Variants in GPC5 observed in about 807,000 individuals in gnomAD.
GPC5 encodes the protein glypican 5, also known as glypican-5.
A neutral mutation model predicts 53.9 loss-of-function variants in GPC5; 47 were observed. The observed-to-expected ratio is 0.87, with a 90% CI of 0.69 to 1.11. The LOEUF (loss-of-function observed/expected upper bound fraction) is 1.11, where lower values mean the gene tolerates loss of function less well. GPC5 is among the 50% of genes most tolerant of loss of function. The pLI is 0.00. For missense variants in GPC5, 748 were observed against 713.1 expected (o/e 1.05, Z -0.56); for synonymous variants, 286 against 263.3 (o/e 1.09, Z -0.84).
At chr13:92,546,043 C>T (rs1294587785) in intron 7 of GPC5, among the ~76,000 whole-genome samples, 3 of 151,870 alleles carry the variant, frequency 2.0e-5, no homozygotes, top group Non-Finnish European at 4.4e-5. Context: ...CTAGAGAAAC[C>T]CACAGCCAAT....
intron 7 of GPC5, among the ~76,000 whole-genome samples, chr13:92,759,278 A>C (rs577952112): frequency 1.3e-3 from 195 of 151,966 alleles, no homozygotes; most frequent in Non-Finnish European, 2.4e-3. Context: ...ATTTCTGTGA[A>C]GATTCCACTG....
At chr13:92,701,692 G>A (rs543458848) in intron 7 of GPC5, among the ~76,000 whole-genome samples, 106 of 152,010 alleles carry the variant, frequency 7.0e-4, no homozygotes, top group Admixed American at 1.8e-3. Context: ...AATATCTATA[G>A]AGGCCATTTC....
At chr13:92,031,699 ATATTATATATATTACATATATG>A (rs1288936840) in intron 6 of GPC5, among the ~76,000 whole-genome samples, 2 of 86,510 alleles carry the variant, frequency 2.3e-5, no homozygotes, top group Non-Finnish European at 4.4e-5. Context: ...TATATATAAT[ATATTATATATATTACATATATG>A]TAATATATTA....
intron 7 of GPC5, among the ~76,000 whole-genome samples, chr13:92,520,963 A>G (rs1881019137): frequency 6.6e-6 from 1 of 152,208 alleles, no homozygotes; most frequent in Non-Finnish European, 1.5e-5. Context: ...TGCAAAAATC[A>G]CAAGCATTCT....
chr13:91,876,522 C>T (rs1048366603), intron 5 of GPC5, among the ~76,000 whole-genome samples: 4 of 152,120 alleles, frequency 2.6e-5, no homozygotes, highest in Non-Finnish European at 4.4e-5. Flanking sequence ...AGCATTTTGC[C>T]TCTGCCTAGA....
At position 92,816,830 on chromosome 13, in the gene GPC5, A is replaced by T. The variant is rs17299669; in HGVS notation, c.1562-49452A>T. 4.3e-4 allele frequency among the ~76,000 whole-genome samples: 65 copies of T among 151,970 alleles called. 2 individuals are homozygous for T. The highest frequency in any genetic ancestry group is 1.5e-3 in the African/African-American group (63 of 41,342). On this transcript the variant is annotated intron_variant, in intron 7 of 7. Transcript: ENST00000377067. ...CATAGTCTGCCCTGACTCTGCCAAC[A>T]TGTGCCTTGAATCTCTGAAATATGT...
intron 7 of GPC5, among the ~76,000 whole-genome samples, chr13:92,315,171 G>A (rs543783728): frequency 3.3e-5 from 5 of 152,268 alleles, no homozygotes; most frequent in African/African-American, 9.6e-5. Context: ...TCTGGGTTAC[G>A]ATATATTCGG....
At chr13:92,068,006 GA>G (rs2041180662) in intron 6 of GPC5, among the ~76,000 whole-genome samples, 1 of 151,940 alleles carries the variant, frequency 6.6e-6, no homozygotes, top group African/African-American at 2.4e-5. Context: ...GAGAGGGAGA[GA>G]GAAAGATTTG....
chr13:92,590,982 A>G (rs1883693638), intron 7 of GPC5, among the ~76,000 whole-genome samples: 1 of 152,210 alleles, frequency 6.6e-6, no homozygotes, highest in African/African-American at 2.4e-5. Context: ...GTCATATGAA[A>G]TATAGAACTA....
chr13:91,920,417 G>T (rs1186739721), intron 6 of GPC5, among the ~76,000 whole-genome samples: 1 of 152,062 alleles, frequency 6.6e-6, no homozygotes, highest in African/African-American at 2.4e-5. Context: ...TCATTTTAGG[G>T]GATCCAAATA....
chr13:91,689,210 TATATATATATATATATATATAC>T (rs1175129312), intron 2 of GPC5, among the ~76,000 whole-genome samples: 9 of 120,446 alleles, frequency 7.5e-5, no homozygotes, highest in East Asian at 5.2e-4. Flanking sequence ...TATATATATA[TATATATATATATATATATATAC>T]ACATATAAAA....
chr13:91,645,530 T>C (rs2034537561), intron 2 of GPC5, among the ~76,000 whole-genome samples: 1 of 152,228 alleles, frequency 6.6e-6, no homozygotes, highest in African/African-American at 2.4e-5. Context: ...CAAGTCCCTT[T>C]GTTACTAGCT....
chr13:92,067,199 G>C (rs186425414), intron 6 of GPC5, among the ~76,000 whole-genome samples: 13 of 152,150 alleles, frequency 8.5e-5, no homozygotes, highest in Admixed American at 8.5e-4. Context: ...CACACCTCAT[G>C]ATAAGGTCCA....
Position 92,866,305 on chromosome 13 carries a change from A to G in GPC5, c.1585A>G (p.Ser529Gly). Residue 529 changes from serine to glycine, a missense_variant, in exon 8 of 8, where the codon AGT becomes GGT. Physicochemically the swap from Ser to Gly is moderately conservative, Grantham distance 56. Transcript: ENST00000377067. ...AGGGATGCCAGATGATATGAACTTC[A>G]GTGATGTAAAGCAAATCCATCAAAC... Reference protein sequence around the residue: ...TDWMPDDMNFSDVKQIHQTDT... With the variant: ...TDWMPDDMNFGDVKQIHQTDT... 6.2e-7 allele frequency: 1 copy of G among 1,611,894 alleles called. No homozygotes were observed. Among genetic ancestry groups the G allele is most frequent in the Non-Finnish European group, 8.5e-7 (1 of 1,178,646 alleles).
At chr13:92,862,975 T>G (rs1175432379) in intron 7 of GPC5, among the ~76,000 whole-genome samples, 1 of 152,142 alleles carries the variant, frequency 6.6e-6, no homozygotes, top group African/African-American at 2.4e-5. Flanking sequence ...TGCTGTCCTC[T>G]CAGATTCATC....
At chr13:91,850,927 G>A (rs1047702685) in intron 5 of GPC5, among the ~76,000 whole-genome samples, 2 of 152,060 alleles carry the variant, frequency 1.3e-5, no homozygotes, top group Non-Finnish European at 2.9e-5. Context: ...TTTATACATT[G>A]AAGAAAGAAA....
At chr13:91,695,070 A>C (rs1354658753) in intron 3 of GPC5, among the ~76,000 whole-genome samples, 1 of 152,162 alleles carries the variant, frequency 6.6e-6, no homozygotes, top group Non-Finnish European at 1.5e-5. Flanking sequence ...GCAAATTAGA[A>C]ATGACACCTC....
chr13:91,968,205 A>T (rs2040207360), intron 6 of GPC5, among the ~76,000 whole-genome samples: 1 of 152,088 alleles, frequency 6.6e-6, no homozygotes, highest in East Asian at 1.9e-4. Context: ...TTCTCATTCC[A>T]AAAGCAAAAT....
intron 5 of GPC5, among the ~76,000 whole-genome samples, chr13:91,779,809 ACT>A (rs2037770286): frequency 6.6e-6 from 1 of 151,798 alleles, no homozygotes; most frequent in South Asian, 2.1e-4. Context: ...CACATGCAAG[ACT>A]CTGTCATCTC....
Sources: allele counts gnomAD v4.1 joint callset (sites outside exome capture counted in the v4.1 genomes callset), GRCh38; gene constraint gnomAD v4.1.1; transcripts MANE v1.5; gene names NCBI Gene and HGNC (gene_info 2026-07-23, HGNC 2026-07-21).